GGA2: variants seen among roughly 807,000 people sequenced by gnomAD.
GGA2 encodes the protein ADP-ribosylation factor-binding protein GGA2.
In GGA2, 48 loss-of-function variants were observed where a neutral mutation model predicts 79.5. That is an observed-to-expected ratio of 0.60 (90% CI 0.48 to 0.77). The LOEUF (loss-of-function observed/expected upper bound fraction) is 0.77. GGA2 is among the 30% of genes least tolerant of loss of function. The probability of loss-of-function intolerance (pLI) is 0.00; values close to 1 mark genes in which losing one functional copy is unlikely to be tolerated. For missense variants in GGA2, 770 were observed against 774.0 expected (o/e 0.99, Z 0.06); for synonymous variants, 317 against 302.0 (o/e 1.05, Z -0.51).
chr16:23,485,875 G>T, intron 8 of GGA2, 140 bp downstream of exon 8: 1 of 763,554 alleles, frequency 1.3e-6, no homozygotes, highest in Non-Finnish European at 2.1e-6. Flanking sequence ...GGAGGACAAA[G>T]CAGCACAACG....
rs1292658662 is a variant in GGA2, at chr16:23,467,426, A to AC, written c.*163dup. 3.2e-6 allele frequency: 2 copies of AC among 618,718 alleles called. No individual in the cohort carries two copies. The highest frequency in any genetic ancestry group is 5.9e-6 in the Non-Finnish European group (2 of 341,626). 38.3% of individuals were successfully genotyped at this position (618,718 alleles called of 1,614,324 possible). On this transcript the variant is annotated 3_prime_UTR_variant, in exon 17 of 17. Transcript: ENST00000309859. ...CACACACACACACACACACACACAC[A>AC]CACACACAGAGCATCTGCAGAATAA...
chr16:23,514,168 C>T (rs1965090431), upstream of GGA2, among the ~76,000 whole-genome samples: 1 of 151,792 alleles, frequency 6.6e-6, no homozygotes, highest in African/African-American at 2.4e-5. Flanking sequence ...TGCAGTGGCT[C>T]GATCTTGGCT....
chr16:23,487,779 A>G (rs1854655295), intron 6 of GGA2, among the ~76,000 whole-genome samples: 1 of 152,128 alleles, frequency 6.6e-6, no homozygotes, highest in Non-Finnish European at 1.5e-5. Context: ...GCTCATTCTA[A>G]CAACAGGGAC....
intron 13 of GGA2, among the ~76,000 whole-genome samples, chr16:23,477,726 G>A (rs997495463): frequency 6.6e-6 from 1 of 151,902 alleles, no homozygotes; most frequent in African/African-American, 2.4e-5. Flanking sequence ...CACCCAGGGC[G>A]ACAGAGCGAG....
In GGA2 at chr16:23,463,584, A is replaced by G. The variant is rs1286258494; in HGVS notation, c.*4006T>C. 6.6e-6 allele frequency: 1 copy of G among 152,264 alleles called. No homozygotes were observed. The highest frequency in any genetic ancestry group is 1.9e-4 in the East Asian group (1 of 5,206). The allele number at this position is 152,264 out of a possible 1,614,324, so 9.4% of individuals were successfully genotyped here. Reference sequence around the variant, plus strand: ...ATTTTCAGCTGATTTTAGAAAGCTCAGAAAAAATTTAAAGAAAATTTATCT... The same window carrying G: ...ATTTTCAGCTGATTTTAGAAAGCTCGGAAAAAATTTAAAGAAAATTTATCT... On this transcript the variant is annotated 3_prime_UTR_variant, in exon 17 of 17. Transcript: ENST00000309859.
intron 1 of GGA2, among the ~76,000 whole-genome samples, chr16:23,506,482 A>T (rs1490891951): frequency 6.6e-6 from 1 of 152,062 alleles, no homozygotes; most frequent in African/African-American, 2.4e-5. Context: ...GAGTGATCCC[A>T]TCCCACTCAA....
intron 2 of GGA2, among the ~76,000 whole-genome samples, chr16:23,516,010 T>TA (rs963818515): frequency 2.0e-5 from 1 of 49,862 alleles, no homozygotes; most frequent in African/African-American, 7.8e-5. Context: ...ACCTCTGACC[T>TA]ATTTTTTTTT....
chr16:23,479,972 A>T lies in GGA2; in HGVS notation c.1007-85T>A, dbSNP rs1252491337. On this transcript the variant is annotated intron_variant, in intron 10 of 16. Coordinates refer to ENST00000309859, the MANE Select transcript of GGA2 (RefSeq NM_015044.4). ...AAATCCTATCAGCTTCCCTCAGACC[A>T]CCTCCTAATCAAATGGTAACGCCCT... 2.3e-6 allele frequency: 3 copies of T among 1,311,284 alleles called. No homozygotes were observed. The East Asian group carries it at 7.3e-5, about 32-fold the overall frequency. 81.2% of individuals were successfully genotyped at this position (1,311,284 alleles called of 1,614,324 possible).
chr16:23,514,543 G>A (rs1357910891), upstream of GGA2, among the ~76,000 whole-genome samples: 1 of 151,964 alleles, frequency 6.6e-6, no homozygotes, highest in East Asian at 1.9e-4. Flanking sequence ...GACCTCCCAG[G>A]CTCAAATGAT....
intron 5 of GGA2, 23 bp from the exon 6 acceptor site, chr16:23,488,732 TAA>T: frequency 7.7e-7 from 1 of 1,296,006 alleles, no homozygotes; most frequent in Non-Finnish European, 1.1e-6. Flanking sequence ...TTTACAAAGT[TAA>T]GACACCGATA....
chr16:23,475,189 CTTTTTTTTT>C, intron 13 of GGA2, 128 bp from the exon 14 acceptor site: 1 of 320,442 alleles, frequency 3.1e-6, no homozygotes, highest in Non-Finnish European at 5.7e-6. Context: ...TGTTATATGC[CTTTTTTTTT>C]TTTTTTTTTG....
At chr16:23,522,628 T>C (rs1965157448), upstream of GGA2, 1 of 152,216 alleles carries the variant, frequency 6.6e-6, no homozygotes, top group Admixed American at 6.6e-5. Flanking sequence ...TAGGACTCTA[T>C]GGGGCTCAAC....
At chr16:23,470,462 T>C (rs1446179968) in intron 14 of GGA2, among the ~76,000 whole-genome samples, 5 of 152,094 alleles carry the variant, frequency 3.3e-5, no homozygotes, top group Non-Finnish European at 7.4e-5. Flanking sequence ...ATGAACACTA[T>C]AGAAAATAGA....
In GGA2 at chr16:23,472,734, A is replaced by T. The variant is rs186645456; in HGVS notation, c.1450+2170T>A. ...AAAATAAAATAAAATAAAATAATTTAAAAAAAAAGACTGAATAGGGCCGGG... is the reference window on the plus strand; with the variant it reads ...AAAATAAAATAAAATAAAATAATTTTAAAAAAAAGACTGAATAGGGCCGGG... On this transcript the variant is annotated intron_variant, in intron 14 of 16. Coordinates refer to ENST00000309859, the MANE Select transcript of GGA2 (RefSeq NM_015044.4). 8.6e-3 allele frequency among the ~76,000 whole-genome samples: 1,296 copies of T among 150,334 alleles called. 15 individuals are homozygous for T. The highest frequency in any genetic ancestry group is 0.029 in the African/African-American group (1,169 of 41,002).
chr16:23,481,266 G>A (rs941960099), intron 9 of GGA2, among the ~76,000 whole-genome samples: 4 of 152,142 alleles, frequency 2.6e-5, no homozygotes, highest in African/African-American at 7.2e-5. Context: ...CCAGCTATTC[G>A]GGAGGCTGAG....
intron 9 of GGA2, among the ~76,000 whole-genome samples, chr16:23,481,544 G>A (rs145142496): frequency 2.3e-4 from 35 of 151,088 alleles, no homozygotes; most frequent in Non-Finnish European, 4.3e-4. Flanking sequence ...AAGCCAAGGC[G>A]GGCAAATCAC....
upstream of GGA2, among the ~76,000 whole-genome samples, chr16:23,514,850 ATG>A (rs1965094084): frequency 6.6e-6 from 1 of 152,078 alleles, no homozygotes; most frequent in Non-Finnish European, 1.5e-5. Flanking sequence ...TCAAACTAGC[ATG>A]TGTCAGAATC....
intron 1 of GGA2, 151 bp from the exon 2 acceptor site, chr16:23,495,929 C>T (rs1318970861): frequency 3.7e-6 from 2 of 540,174 alleles, no homozygotes; most frequent in Admixed American, 3.0e-5. Flanking sequence ...TGTGCCTGCG[C>T]TGCCTACCAC....
intron 14 of GGA2, among the ~76,000 whole-genome samples, chr16:23,473,882 A>G (rs1253792073): frequency 2.0e-5 from 3 of 152,206 alleles, no homozygotes; most frequent in Non-Finnish European, 4.4e-5. Context: ...ATGTGCAAAG[A>G]GCTCCCATTG....
Sources: allele counts gnomAD v4.1 joint callset (sites outside exome capture counted in the v4.1 genomes callset), GRCh38; gene constraint gnomAD v4.1.1; transcripts MANE v1.5; gene names NCBI Gene and HGNC (gene_info 2026-07-23, HGNC 2026-07-21).